The following RYR2 variants were observed in gnomAD, a reference collection of about 807,000 sequenced individuals.
RYR2 encodes the protein cardiac muscle ryanodine receptor-calcium release channel.
RYR2 carries 227 observed loss-of-function variants against 601.1 expected under a neutral mutation model. That is an observed-to-expected ratio of 0.38 (90% CI 0.34 to 0.42). RYR2 has a LOEUF of 0.42. RYR2 is among the 10% of genes least tolerant of loss of function. The pLI is 1.00. For missense variants in RYR2, 4,646 were observed against 6,156.5 expected, an observed-to-expected ratio of 0.75 and a Z score of 8.21; for synonymous variants, 2,223 against 2,175.1, an observed-to-expected ratio of 1.02 and a Z score of -0.61.
intron 33 of RYR2, among the ~76,000 whole-genome samples, chr1:237,595,011 T>C (rs1287303520): frequency 6.8e-6 from 1 of 147,526 alleles, no homozygotes; most frequent in Non-Finnish European, 1.5e-5. Flanking sequence ...ATTTTAAGTA[T>C]ATCAAATCAC....
chr1:237,730,142 G>T lies in RYR2; in HGVS notation c.10839-118G>T, dbSNP rs1367204134. ...TTTCAGGAGGAGAGTCAAGAATAGA[G>T]AATTTATTTCTATTTTACACTTTCA... On this transcript the variant is annotated intron_variant, in intron 76 of 104. Coordinates refer to ENST00000366574, the MANE Select transcript of RYR2 (RefSeq NM_001035.3). 1.6e-5 allele frequency: 10 copies of T among 637,820 alleles called. No individual in the cohort carries two copies. The South Asian group carries it at 1.7e-4, about 11-fold the overall frequency. The allele number at this position is 637,820 out of a possible 1,614,324, so 39.5% of individuals were successfully genotyped here. A position where few individuals can be genotyped will look rare whatever the true frequency, so the allele number is the denominator to read the frequency against.
In RYR2 at chr1:237,329,312, A is replaced by G. The variant is rs1696478482; in HGVS notation, c.169-1566A>G. Among the ~76,000 whole-genome samples the G allele has an allele frequency of 2.0e-5, 3 of 152,028 alleles. 1 individual carries two copies. In the South Asian group the frequency reaches 6.2e-4, roughly 32 times the overall value. On this transcript the variant is annotated intron_variant, in intron 2 of 104. Coordinates refer to ENST00000366574, the MANE Select transcript of RYR2 (RefSeq NM_001035.3). ...TTCCTCCTGCCTCAGCCCTCTGAAT[A>G]GTTGGGACTACAGCCATGTGCCTTT...
chr1:237,318,595 G>A (rs1010211993), intron 2 of RYR2, among the ~76,000 whole-genome samples: 1 of 152,060 alleles, frequency 6.6e-6, no homozygotes, highest in Non-Finnish European at 1.5e-5. Flanking sequence ...ATTCTTGATT[G>A]AAAGGTTTTT....
chr1:237,572,422 A>T (rs1672797009), intron 29 of RYR2, among the ~76,000 whole-genome samples: 2 of 152,216 alleles, frequency 1.3e-5, no homozygotes, highest in African/African-American at 4.8e-5. Context: ...TTAAGCACGT[A>T]ACAAATGTTC....
At position 237,130,572 on chromosome 1, in the gene RYR2, C is replaced by T. The variant is rs947527545; in HGVS notation, c.48+88003C>T. Among the ~76,000 whole-genome samples, 6 of 152,098 alleles carry T rather than the reference C, an allele frequency of 3.9e-5. No individual in the cohort carries two copies. The South Asian group carries it at 6.2e-4, about 16-fold the overall frequency. Reference sequence around the variant, plus strand: ...ACTAAAAATACAAAAATTAGCCAGGCGTGGTGGTGTGCACCTGTAATCCCA... The same window carrying T: ...ACTAAAAATACAAAAATTAGCCAGGTGTGGTGGTGTGCACCTGTAATCCCA... On this transcript the variant is annotated intron_variant, in intron 1 of 104. Transcript: ENST00000366574.
chr1:237,781,992 C>A (rs987100491), intron 89 of RYR2, among the ~76,000 whole-genome samples: 1 of 152,064 alleles, frequency 6.6e-6, no homozygotes, highest in Non-Finnish European at 1.5e-5. Context: ...ATTTGGGTAA[C>A]AGTCAGCTGT....
intron 1 of RYR2, among the ~76,000 whole-genome samples, chr1:237,053,706 G>A (rs1661575042): frequency 6.6e-6 from 1 of 152,142 alleles, no homozygotes; most frequent in Non-Finnish European, 1.5e-5. Flanking sequence ...AGCTTATTCT[G>A]TCTCTATGGG....
chr1:237,200,870 T>C (rs1166091391), intron 1 of RYR2, among the ~76,000 whole-genome samples: 2 of 152,202 alleles, frequency 1.3e-5, no homozygotes, highest in African/African-American at 4.8e-5. Flanking sequence ...TCTGTGACTA[T>C]CTACTTTAGT....
chr1:237,198,412 A>T (rs2149033936), intron 1 of RYR2, among the ~76,000 whole-genome samples: 1 of 147,622 alleles, frequency 6.8e-6, no homozygotes, highest in South Asian at 2.2e-4. Flanking sequence ...TAATCTTTTT[A>T]AGTATGTTTG....
chr1:237,657,729 A>G (rs930342268), intron 53 of RYR2, among the ~76,000 whole-genome samples: 1 of 151,882 alleles, frequency 6.6e-6, no homozygotes, highest in Non-Finnish European at 1.5e-5. Context: ...CACATAAAAT[A>G]TGAATCAATA....
At chr1:237,734,814 G>A (rs1558312269) in intron 79 of RYR2, among the ~76,000 whole-genome samples, 1 of 152,190 alleles carries the variant, frequency 6.6e-6, no homozygotes, top group African/African-American at 2.4e-5. Context: ...CATCTAAGTG[G>A]AGGTGTCAAA....
At chr1:237,528,460 G>A (rs1428467149) in intron 24 of RYR2, among the ~76,000 whole-genome samples, 1 of 152,146 alleles carries the variant, frequency 6.6e-6, no homozygotes, top group African/African-American at 2.4e-5. Flanking sequence ...GAGGACTACT[G>A]TACTACAGAG....
At chr1:237,748,686 C>A (rs1444128140) in intron 80 of RYR2, among the ~76,000 whole-genome samples, 1 of 152,174 alleles carries the variant, frequency 6.6e-6, no homozygotes, top group Non-Finnish European at 1.5e-5. Flanking sequence ...GAAAGCACAA[C>A]CCTCTATATT....
intron 1 of RYR2, among the ~76,000 whole-genome samples, chr1:237,167,989 T>C (rs961565966): frequency 1.3e-5 from 2 of 152,184 alleles, no homozygotes; most frequent in African/African-American, 4.8e-5. Flanking sequence ...TTCTGTTTCT[T>C]AAAGCAAACC....
At chr1:237,605,235 G>T (rs12093965) in intron 35 of RYR2, among the ~76,000 whole-genome samples, 4 of 151,978 alleles carry the variant, frequency 2.6e-5, no homozygotes, top group East Asian at 1.9e-4. Context: ...TGATAAAGTG[G>T]GCTTCATCCC....
At chr1:237,446,428 G>T (rs1361837677) in intron 14 of RYR2, among the ~76,000 whole-genome samples, 1 of 151,968 alleles carries the variant, frequency 6.6e-6, no homozygotes, top group African/African-American at 2.4e-5. Context: ...AAGTTGTTCT[G>T]AGCTTTTGTT....
chr1:237,343,826 T>G (rs1698049938), intron 3 of RYR2, among the ~76,000 whole-genome samples: 2 of 151,522 alleles, frequency 1.3e-5, no homozygotes, highest in Admixed American at 6.6e-5. Flanking sequence ...TTTTTGTTTT[T>G]TTTTTTTTTT....
At chr1:237,591,095 C>T (rs1240880490) in intron 31 of RYR2, 103 bp downstream of exon 31, 1 of 240,690 alleles carries the variant, frequency 4.2e-6, no homozygotes, top group East Asian at 6.9e-5. Flanking sequence ...TCCTTCTCCT[C>T]CTCCTCCTCC....
At chr1:237,231,705 T>G (rs1685018439) in intron 1 of RYR2, among the ~76,000 whole-genome samples, 1 of 152,162 alleles carries the variant, frequency 6.6e-6, no homozygotes, top group Non-Finnish European at 1.5e-5. Flanking sequence ...TTTAGAGGAA[T>G]CCCCAGCCAG....
Sources: gnomAD v4.1 joint callset for allele counts (sites outside exome capture counted in the v4.1 genomes callset) on GRCh38, gnomAD v4.1.1 for gene constraint, MANE v1.5 for transcripts, NCBI Gene and HGNC (gene_info 2026-07-23, HGNC 2026-07-21) for gene names.